The following MOSPD2 variants were observed in gnomAD, a reference collection of about 807,000 sequenced individuals.
MOSPD2 encodes motile sperm domain containing 2, also known as motile sperm domain-containing protein 2.
In MOSPD2, 5 loss-of-function variants were observed where a neutral mutation model predicts 41.7. The observed-to-expected ratio is 0.12, with a 90% CI of 0.06 to 0.25. The LOEUF (loss-of-function observed/expected upper bound fraction) is 0.25, where lower values mean the gene tolerates loss of function less well. Ranked by LOEUF, MOSPD2 falls within the 10% of genes least tolerant of loss-of-function variation. The pLI is 1.00. For missense variants in MOSPD2, 282 were observed against 375.2 expected (o/e 0.75, Z 2.05); for synonymous variants, 115 against 126.9 (o/e 0.91, Z 0.63).
rs2092608933 is a variant in MOSPD2, at chrX:14,921,130, G to A, written c.*1321G>A. On this transcript the variant is annotated 3_prime_UTR_variant, in exon 15 of 15. Transcript: ENST00000380492. The stretch of plus-strand genomic sequence containing the variant: ...AGTTTGGGTCTATGTTGGTTCACAT[G>A]TACATCTACTTTATATGAAAGAAAA... The A allele has an allele frequency of 1.6e-5, 14 of 853,301 alleles. No individual in the cohort carries two copies. Among genetic ancestry groups the A allele is most frequent in the African/African-American group, 2.1e-5 (1 of 46,698 alleles). 70.3% of individuals were successfully genotyped at this position (853,301 alleles called of 1,213,427 possible).
chrX:14,897,462 A>G (rs1330386314), intron 5 of MOSPD2, among the ~76,000 whole-genome samples: 1 of 111,988 alleles, frequency 8.9e-6, no homozygotes, highest in Admixed American at 9.5e-5. Flanking sequence ...TTTCCTAGAA[A>G]TGTTCCTTGT....
intron 7 of MOSPD2, among the ~76,000 whole-genome samples, chrX:14,908,612 T>C (rs758148189): frequency 9.8e-5 from 11 of 111,736 alleles, no homozygotes; most frequent in Non-Finnish European, 1.7e-4. Context: ...CCCTGATAAG[T>C]TTATTAATGA....
In MOSPD2 at chrX:14,914,484, T is replaced by C. The variant is rs993124058; in HGVS notation, c.993-19T>C. On this transcript the variant is annotated intron_variant, in intron 10 of 14. Coordinates refer to ENST00000380492, the MANE Select transcript of MOSPD2 (RefSeq NM_152581.4). ...TATTCTGATTATTACAAATGTCTTATGTTTTTGTCACTCCCTAGCCCAGCA... is the reference window on the plus strand; with the variant it reads ...TATTCTGATTATTACAAATGTCTTACGTTTTTGTCACTCCCTAGCCCAGCA... 9 of 1,033,477 alleles carry C rather than the reference T, an allele frequency of 8.7e-6. No individual in the cohort carries two copies. The highest frequency in any genetic ancestry group is 1.2e-5 in the Non-Finnish European group (9 of 750,133). 85.2% of individuals were successfully genotyped at this position (1,033,477 alleles called of 1,213,427 possible). A position where few individuals can be genotyped will look rare whatever the true frequency, so the allele number is the denominator to read the frequency against.
intron 6 of MOSPD2, among the ~76,000 whole-genome samples, chrX:14,901,966 T>TTATATA (rs760567070): frequency 9.4e-6 from 1 of 106,809 alleles, no homozygotes; most frequent in African/African-American, 3.4e-5. Context: ...ACTAGAGATT[T>TTATATA]TATATATATA....
rs541316731 is a variant in MOSPD2 at position 14,880,515 on chromosome X, A to G, written c.79+6757A>G. Among the ~76,000 whole-genome samples the G allele has an allele frequency of 2.1e-4, 24 of 111,959 alleles. 1 individual carries two copies. The South Asian group carries it at 5.8e-3, about 27-fold the overall frequency. ...GCTGGAACTTTTATAACACTGTTGA[A>G]TAGAACCAGTGATAATAGCCTACTT... On this transcript the variant is annotated intron_variant, in intron 2 of 14. Coordinates refer to ENST00000380492, the MANE Select transcript of MOSPD2 (RefSeq NM_152581.4).
chrX:14,876,247 C>T (rs1162743814), intron 2 of MOSPD2, among the ~76,000 whole-genome samples: 1 of 112,118 alleles, frequency 8.9e-6, no homozygotes, highest in East Asian at 2.8e-4. Flanking sequence ...TAGAAATTAA[C>T]TCAGGTGTTT....
At chrX:14,886,083 C>T (rs961450835) in intron 2 of MOSPD2, among the ~76,000 whole-genome samples, 1 of 110,723 alleles carries the variant, frequency 9.0e-6, no homozygotes, top group Non-Finnish European at 1.9e-5. Context: ...AGCATCAGTC[C>T]GACTCCTCTC....
Position 14,892,727 on chromosome X carries a change from G to A in MOSPD2, c.84G>A (p.Lys28=), listed in dbSNP as rs187516572. ...RRFEAEYVTD[K]SDKYDARDVE... ...TTATTACTGTTTTTTCCCTAGATAA[G>A]TCAGATAAATATGATGCACGTGATG... Residue 28 remains lysine (K), a synonymous_variant, in exon 3 of 15, where the codon AAG becomes AAA. Transcript: ENST00000380492. 25 of 1,194,752 alleles carry A rather than the reference G, an allele frequency of 2.1e-5. No homozygotes were observed. In the Admixed American group the frequency reaches 3.6e-4, roughly 17 times the overall value.
intron 7 of MOSPD2, among the ~76,000 whole-genome samples, chrX:14,906,371 A>G (rs1443919978): frequency 8.9e-6 from 1 of 111,749 alleles, no homozygotes; most frequent in Non-Finnish European, 1.9e-5. Context: ...AAAAGGTGCT[A>G]GGACAACTGG....
At position 14,915,046 on chromosome X, in the gene MOSPD2, A is replaced by G. The variant is rs1242332765; in HGVS notation, c.1089+447A>G. Among the ~76,000 whole-genome samples, 9 of 111,934 alleles carry G rather than the reference A, an allele frequency of 8.0e-5. No homozygotes were observed. In the Admixed American group the frequency reaches 8.6e-4, roughly 11 times the overall value. ...TAAGTGTAACAAGACTAAGTCCGTC[A>G]CTACCCCGTATTGTAGGTTTTCCTG... On this transcript the variant is annotated intron_variant, in intron 11 of 14. Coordinates refer to ENST00000380492, the MANE Select transcript of MOSPD2 (RefSeq NM_152581.4).
Position 14,885,166 on chromosome X carries a change from A to G in MOSPD2, c.80-7557A>G, listed in dbSNP as rs1056692123. On this transcript the variant is annotated intron_variant, in intron 2 of 14. Coordinates refer to ENST00000380492, the MANE Select transcript of MOSPD2 (RefSeq NM_152581.4). ...CAGAATATATACTTTTTGAATATAT[A>G]TTTGTACTTTCAGAGCTTTTGCAAA... is the stretch of plus-strand genomic sequence containing the variant. The G allele has an allele frequency of 3.6e-5, 4 of 111,799 alleles. No individual in the cohort carries two copies. The Admixed American group carries it at 3.8e-4, about 11-fold the overall frequency. The allele number at this position is 111,799 out of a possible 1,213,427, so 9.2% of individuals were successfully genotyped here.
intron 2 of MOSPD2, among the ~76,000 whole-genome samples, chrX:14,884,276 T>A (rs1381887483): frequency 9.1e-6 from 1 of 110,370 alleles, no homozygotes; most frequent in Non-Finnish European, 1.9e-5. Context: ...GGTAGGCAAA[T>A]TAGTAAATAA....
intron 3 of MOSPD2, 42 bp from the exon 4 acceptor site, chrX:14,895,266 C>A (rs1224906241): frequency 4.0e-6 from 3 of 749,966 alleles, no homozygotes; most frequent in African/African-American, 2.1e-5. Context: ...TATTTTTAAA[C>A]CCCTAAATTA....
chrX:14,916,663 G>A (rs1226819445), intron 13 of MOSPD2, among the ~76,000 whole-genome samples: 3 of 112,062 alleles, frequency 2.7e-5, no homozygotes, highest in African/African-American at 6.5e-5. Flanking sequence ...AATCTAAATC[G>A]TAACCAGTAA....
chrX:14,914,662 C>T (rs985333899), intron 11 of MOSPD2, 63 bp downstream of exon 11: 51 of 658,038 alleles, frequency 7.8e-5, no homozygotes, highest in Non-Finnish European at 8.9e-5. Flanking sequence ...TGATTTTAGA[C>T]ATATTCTAAT....
chrX:14,899,551 A>G (rs2092569052), intron 5 of MOSPD2, among the ~76,000 whole-genome samples: 1 of 82,008 alleles, frequency 1.2e-5, no homozygotes, highest in African/African-American at 4.3e-5. Context: ...TTTTATATAT[A>G]TATATTATAT....
chrX:14,885,326 G>T (rs745682041), intron 2 of MOSPD2: 15 of 111,551 alleles, frequency 1.3e-4, no homozygotes, highest in Non-Finnish European at 1.7e-4. Flanking sequence ...CATGTCATAT[G>T]ATAGGAAACT....
intron 7 of MOSPD2, among the ~76,000 whole-genome samples, chrX:14,907,118 G>A (rs2092583707): frequency 8.9e-6 from 1 of 112,588 alleles, no homozygotes; most frequent in Non-Finnish European, 1.9e-5. Context: ...CACATAAAGA[G>A]ATGCTGAGCA....
At chrX:14,907,863 CAAT>C (rs762917814) in intron 7 of MOSPD2, among the ~76,000 whole-genome samples, 44 of 110,869 alleles carry the variant, frequency 4.0e-4, no homozygotes, top group African/African-American at 1.3e-3. Context: ...AATTATATCT[CAAT>C]AAAGTTATGA....
Sources: gnomAD v4.1 joint callset for allele counts (sites outside exome capture counted in the v4.1 genomes callset) on GRCh38, gnomAD v4.1.1 for gene constraint, MANE v1.5 for transcripts, NCBI Gene and HGNC (gene_info 2026-07-23, HGNC 2026-07-21) for gene names.